Variants in INPP4B observed in about 807,000 individuals in gnomAD.
INPP4B encodes inositol polyphosphate-4-phosphatase type II B.
A neutral mutation model predicts 122.5 loss-of-function variants in INPP4B; 55 were observed. The ratio of observed to expected loss-of-function variants is 0.45; its 90% CI spans 0.36 to 0.56. The LOEUF (loss-of-function observed/expected upper bound fraction) is 0.56, where lower values mean the gene tolerates loss of function less well. Ranked by LOEUF, INPP4B falls within the 20% of genes least tolerant of loss-of-function variation. The pLI, the probability that INPP4B is intolerant of heterozygous loss-of-function variation, is 0.00. For synonymous variants in INPP4B, 403 were observed against 388.7 expected, an observed-to-expected ratio of 1.04 and a Z score of -0.43; for missense variants, 1,000 against 1,097.7, an observed-to-expected ratio of 0.91 and a Z score of 1.26.
chr4:142,138,579 G>C (rs1376856099), intron 18 of INPP4B, among the ~76,000 whole-genome samples: 1 of 151,958 alleles, frequency 6.6e-6, no homozygotes, highest in Non-Finnish European at 1.5e-5. Context: ...TTTTCCAACA[G>C]ATATTCTGAG....
At chr4:142,096,007 G>T (rs1373708609) in intron 23 of INPP4B, 16 of 152,130 alleles carry the variant, frequency 1.1e-4, no homozygotes, top group Non-Finnish European at 4.4e-5. Flanking sequence ...TTACTTTGAA[G>T]TACAAGGTGT....
At chr4:142,447,699 A>C (rs1813204306) in intron 3 of INPP4B, among the ~76,000 whole-genome samples, 1 of 152,348 alleles carries the variant, frequency 6.6e-6, no homozygotes, top group African/African-American at 2.4e-5. Context: ...AGGAGTTTGA[A>C]CAATAAGCAT....
At chr4:142,700,785 C>A (rs976334666) in intron 2 of INPP4B, among the ~76,000 whole-genome samples, 2 of 151,960 alleles carry the variant, frequency 1.3e-5, no homozygotes, top group African/African-American at 4.8e-5. Flanking sequence ...TGTGTTTGTG[C>A]ATCAGTGAAA....
chr4:142,190,009 G>C (rs1489905786), intron 15 of INPP4B, among the ~76,000 whole-genome samples: 2 of 152,020 alleles, frequency 1.3e-5, no homozygotes, highest in Non-Finnish European at 2.9e-5. Context: ...TTTTCATTAT[G>C]TGGCCAATGT....
In INPP4B at chr4:142,398,861, G is replaced by A. The variant is rs145928716; in HGVS notation, c.372+4077C>T. 1.5e-3 allele frequency among the ~76,000 whole-genome samples: 224 copies of A among 152,100 alleles called. 5 individuals carry two copies. In the East Asian group the frequency reaches 0.038, roughly 25 times the overall value. ...CTACATCCTTCCCTGAGAAACGCTC[G>A]GTGTCTACTGGATACCAGTTTCTGT... On this transcript the variant is annotated intron_variant, in intron 7 of 25. Transcript: ENST00000262992.
At chr4:142,198,390 T>C (rs755070028) in intron 14 of INPP4B, among the ~76,000 whole-genome samples, 7 of 152,050 alleles carry the variant, frequency 4.6e-5, no homozygotes, top group Non-Finnish European at 1.0e-4. Context: ...GCAAAATTAA[T>C]TTTGATCTTA....
chr4:142,297,812 C>A (rs1030611634), intron 9 of INPP4B, among the ~76,000 whole-genome samples: 1 of 152,150 alleles, frequency 6.6e-6, no homozygotes, highest in East Asian at 1.9e-4. Context: ...GTTAAGCAAG[C>A]AAACCAAGCC....
intron 2 of INPP4B, among the ~76,000 whole-genome samples, chr4:142,702,057 G>T (rs1248843645): frequency 6.6e-6 from 1 of 152,164 alleles, no homozygotes; most frequent in African/African-American, 2.4e-5. Context: ...TCAAGCCTAA[G>T]TTAGGAGCCT....
intron 1 of INPP4B, among the ~76,000 whole-genome samples, chr4:142,818,330 C>A (rs552511587): frequency 2.0e-5 from 3 of 152,278 alleles, no homozygotes; most frequent in South Asian, 4.1e-4. Context: ...AACACCAGGG[C>A]AGCTTTTTAT....
chr4:142,279,524 A>G (rs552259112), intron 9 of INPP4B, among the ~76,000 whole-genome samples: 1 of 148,172 alleles, frequency 6.7e-6, no homozygotes, highest in Admixed American at 6.7e-5. Context: ...ATGGTATTGG[A>G]ACAATTAAAC....
chr4:142,513,431 A>ATT (rs1205570412), intron 2 of INPP4B, among the ~76,000 whole-genome samples: 1 of 151,250 alleles, frequency 6.6e-6, no homozygotes, highest in Non-Finnish European at 1.5e-5. Context: ...TTTTGAGACG[A>ATT]ACTCTCCCTC....
chr4:142,082,325 C>T (rs1175778085), intron 24 of INPP4B, 140 bp from the exon 25 acceptor site: 12 of 610,566 alleles, frequency 2.0e-5, no homozygotes, highest in African/African-American at 1.6e-4. Context: ...TTTGTTCAAT[C>T]GGTCTCATCA....
chr4:142,038,271 C>T (rs912367930), intron 25 of INPP4B, among the ~76,000 whole-genome samples: 1 of 152,088 alleles, frequency 6.6e-6, no homozygotes, highest in African/African-American at 2.4e-5. Context: ...TAAATGTAAG[C>T]ATAGCCTATG....
chr4:142,031,762 T>C (rs943936004), intron 25 of INPP4B, among the ~76,000 whole-genome samples: 2 of 152,182 alleles, frequency 1.3e-5, no homozygotes, highest in African/African-American at 4.8e-5. Flanking sequence ...ATATTATTTC[T>C]TCTATTGGCT....
chr4:142,490,020 A>AT (rs934275030), intron 2 of INPP4B, among the ~76,000 whole-genome samples: 56 of 151,662 alleles, frequency 3.7e-4, no homozygotes, highest in Admixed American at 3.9e-4. Flanking sequence ...TATAGACAGC[A>AT]TTTTTTTGGA....
chr4:142,290,749 C>A (rs72941106), intron 9 of INPP4B, among the ~76,000 whole-genome samples: 254 of 152,214 alleles, frequency 1.7e-3, no homozygotes, highest in African/African-American at 5.7e-3. Flanking sequence ...CACTGATCAC[C>A]CACTGGACCA....
intron 3 of INPP4B, among the ~76,000 whole-genome samples, chr4:142,443,498 C>T (rs908958758): frequency 5.3e-5 from 8 of 152,134 alleles, no homozygotes; most frequent in Non-Finnish European, 1.2e-4. Context: ...CACTAGAGAT[C>T]CTCTGATCCT....
intron 7 of INPP4B, among the ~76,000 whole-genome samples, chr4:142,398,307 G>A (rs1451361082): frequency 4.1e-5 from 6 of 145,002 alleles, no homozygotes; most frequent in Non-Finnish European, 9.0e-5. Flanking sequence ...AAACCCGGGA[G>A]GCGGAGCTTG....
intron 9 of INPP4B, among the ~76,000 whole-genome samples, chr4:142,280,396 T>A (rs566449426): frequency 6.6e-6 from 1 of 152,056 alleles, no homozygotes; most frequent in Non-Finnish European, 1.5e-5. Context: ...CCAACTTGGA[T>A]GAATTGTAAA....
Sources: allele counts gnomAD v4.1 joint callset (sites outside exome capture counted in the v4.1 genomes callset), GRCh38; gene constraint gnomAD v4.1.1; transcripts MANE v1.5; gene names NCBI Gene and HGNC (gene_info 2026-07-23, HGNC 2026-07-21).